The following PYGB variants were observed in gnomAD, a reference collection of about 807,000 sequenced individuals.
The protein encoded by PYGB is glycogen phosphorylase, brain form.
PYGB carries 82 observed loss-of-function variants against 94.3 expected under a neutral mutation model. The ratio of observed to expected loss-of-function variants is 0.87; its 90% CI spans 0.73 to 1.04. The LOEUF (loss-of-function observed/expected upper bound fraction) is 1.04. PYGB is among the 50% of genes least tolerant of loss of function. PYGB has a pLI of 0.00. For synonymous variants in PYGB, 488 were observed against 479.1 expected (o/e 1.02, Z -0.24); for missense variants, 1,132 against 1,158.2 (o/e 0.98, Z 0.33).
chr20:25,281,202 A>G, intron 11 of PYGB, 90 bp downstream of exon 11: 2 of 1,506,918 alleles, frequency 1.3e-6, no homozygotes, highest in Non-Finnish European at 1.8e-6. Flanking sequence ...GGACCCAGCT[A>G]TATAGCATAC....
chr20:25,267,980 G>A (rs944899757), intron 2 of PYGB, among the ~76,000 whole-genome samples: 2 of 152,176 alleles, frequency 1.3e-5, no homozygotes, highest in Non-Finnish European at 2.9e-5. Context: ...AGAAAAATAT[G>A]TAGAGATTTT....
At chr20:25,290,405 C>A in intron 15 of PYGB, 76 bp from the exon 16 acceptor site, 1 of 1,549,270 alleles carries the variant, frequency 6.5e-7, no homozygotes, top group Non-Finnish European at 8.9e-7. Context: ...CCCCTACAGA[C>A]CCCAGGAACC....
At chr20:25,276,624 G>C (rs2257370) in intron 5 of PYGB, 22 bp from the exon 6 acceptor site, 284,007 of 1,605,908 alleles carry the variant, frequency 0.18, 26,607 homozygotes, top group East Asian at 0.33. Context: ...ACTCCGTCCT[G>C]AGCAACCCGT....
At chr20:25,266,249 T>C (rs940729110) in intron 2 of PYGB, among the ~76,000 whole-genome samples, 4 of 109,256 alleles carry the variant, frequency 3.7e-5, no homozygotes, top group African/African-American at 1.6e-4. Flanking sequence ...TATAGATCAA[T>C]TGATTTTTTT....
At chr20:25,259,779 CA>C (rs1483724396) in intron 2 of PYGB, among the ~76,000 whole-genome samples, 1 of 152,210 alleles carries the variant, frequency 6.6e-6, no homozygotes, top group African/African-American at 2.4e-5. Context: ...CCCCTAAAAA[CA>C]AAACCTGCCT....
In PYGB at chr20:25,293,513, A is replaced by C. The variant is rs1359720080; in HGVS notation, c.2178-645A>C. 2.0e-5 allele frequency among the ~76,000 whole-genome samples: 3 copies of C among 152,334 alleles called. No individual in the cohort carries two copies. In the East Asian group the frequency reaches 5.8e-4, roughly 29 times the overall value. ...CAGTGTTGCCTGATTGCCTTGAAGC[A>C]CTGGGGAGCCTGTGAGGCCTTAAGT... is the stretch of plus-strand genomic sequence containing the variant. On this transcript the variant is annotated intron_variant, in intron 17 of 19. Coordinates refer to ENST00000216962, the MANE Select transcript of PYGB (RefSeq NM_002862.4).
chr20:25,268,157 A>ACC (rs375575044), intron 2 of PYGB, among the ~76,000 whole-genome samples: 96 of 28,340 alleles, frequency 3.4e-3, no homozygotes, highest in African/African-American at 0.012. Context: ...AAATCCTAGC[A>ACC]CCCGCCCCCC....
chr20:25,259,715 T>C (rs1370667281), intron 2 of PYGB, among the ~76,000 whole-genome samples: 4 of 152,174 alleles, frequency 2.6e-5, no homozygotes, highest in African/African-American at 9.6e-5. Flanking sequence ...CCTCCACCCC[T>C]GAGATGACCT....
intron 14 of PYGB, chr20:25,285,719 TGTG>T (rs3838000): frequency 0.45 from 67,983 of 151,568 alleles, 15,816 homozygotes; most frequent in East Asian, 0.92. Flanking sequence ...TGCATGTACC[TGTG>T]GTGGACCTGC....
chr20:25,266,445 T>G (rs2088219226), intron 2 of PYGB, among the ~76,000 whole-genome samples: 1 of 152,086 alleles, frequency 6.6e-6, no homozygotes, highest in South Asian at 2.1e-4. Flanking sequence ...AATACAACTT[T>G]TAGAAAAATA....
At chr20:25,273,552 C>T (rs1396229265) in intron 4 of PYGB, among the ~76,000 whole-genome samples, 1 of 152,208 alleles carries the variant, frequency 6.6e-6, no homozygotes. Flanking sequence ...AGAATCCGCC[C>T]TTGCTGCTGT....
At chr20:25,267,107 AG>A (rs2088225046) in intron 2 of PYGB, among the ~76,000 whole-genome samples, 1 of 152,254 alleles carries the variant, frequency 6.6e-6, no homozygotes, top group Non-Finnish European at 1.5e-5. Flanking sequence ...TTGATAGGGT[AG>A]GTAAACAAAA....
chr20:25,289,848 T>TG lies in PYGB; in HGVS notation c.1828-632dup, dbSNP rs748571953. On this transcript the variant is annotated intron_variant, in intron 15 of 19. Transcript: ENST00000216962. The stretch of plus-strand genomic sequence containing the variant: ...CACCAGAACCACAATGGGAGTAGAC[T>TG]GAAACATCACCACACAGTACCACCA... 7.5e-6 allele frequency: 4 copies of TG among 533,410 alleles called. No individual in the cohort carries two copies. The Admixed American group carries it at 7.8e-5, about 10-fold the overall frequency. The allele number at this position is 533,410 out of a possible 1,614,324, so 33.0% of individuals were successfully genotyped here.
At chr20:25,248,869 C>G (rs946411435) in intron 1 of PYGB, among the ~76,000 whole-genome samples, 1 of 152,072 alleles carries the variant, frequency 6.6e-6, no homozygotes, top group African/African-American at 2.4e-5. Context: ...GGGGTGAGCT[C>G]GGTAATCTGC....
chr20:25,258,965 C>T (rs2123520445), intron 1 of PYGB, among the ~76,000 whole-genome samples: 1 of 152,350 alleles, frequency 6.6e-6, no homozygotes. Context: ...TGCCCTGCCT[C>T]CCCACACATC....
chr20:25,294,424 A>C, intron 18 of PYGB, 132 bp downstream of exon 18: 1 of 1,186,830 alleles, frequency 8.4e-7, no homozygotes, highest in Non-Finnish European at 1.2e-6. Flanking sequence ...CACTGTGCCC[A>C]TGAGACCTTA....
At chr20:25,294,953 G>GT in intron 18 of PYGB, 3 of 1,613,958 alleles carry the variant, frequency 1.9e-6, no homozygotes, top group Non-Finnish European at 2.5e-6. Context: ...TTCGATGACC[G>GT]TGTCACCTGT....
chr20:25,271,890 G>A (rs2088271498), intron 4 of PYGB, among the ~76,000 whole-genome samples: 3 of 152,268 alleles, frequency 2.0e-5, no homozygotes, highest in Admixed American at 1.3e-4. Context: ...TTGGCCCTAA[G>A]TAGTTAGAAG....
intron 2 of PYGB, among the ~76,000 whole-genome samples, chr20:25,261,616 C>A (rs1568684846): frequency 1.3e-5 from 2 of 152,228 alleles, no homozygotes; most frequent in African/African-American, 4.8e-5. Context: ...AGCAATAGAA[C>A]AAAGCTGGAC....
Sources: gnomAD v4.1 joint callset for allele counts (sites outside exome capture counted in the v4.1 genomes callset) on GRCh38, gnomAD v4.1.1 for gene constraint, MANE v1.5 for transcripts, NCBI Gene and HGNC (gene_info 2026-07-23, HGNC 2026-07-21) for gene names.